DDR2: variants seen among roughly 807,000 people sequenced by gnomAD.
DDR2 encodes the protein discoidin domain receptor tyrosine kinase 2.
Under a neutral mutation model 94.9 loss-of-function variants are expected in DDR2, and 27 were observed. The observed-to-expected ratio is 0.28, with a 90% CI of 0.21 to 0.39. DDR2 has a LOEUF of 0.39. Among genes scored for constraint, DDR2 ranks in the 10% least tolerant of loss-of-function variants. The pLI is 1.00. For synonymous variants in DDR2, 382 were observed against 377.2 expected, an observed-to-expected ratio of 1.01 and a Z score of -0.15; for missense variants, 783 against 1,076.0, an observed-to-expected ratio of 0.73 and a Z score of 3.81.
Position 162,776,138 on chromosome 1 carries a change from A to C in DDR2, c.2051A>C (p.Tyr684Ser). Reference sequence around the variant, plus strand: ...TGTCTTCTTGTCTATTTCCTCAGTTACACCAATCTGAAGTTTATGGCTACC... The same window carrying C: ...TGTCTTCTTGTCTATTTCCTCAGTTCCACCAATCTGAAGTTTATGGCTACC... ...SSSSDVRTVS[Y>S]TNLKFMATQI... The change falls in exon 16 of 18, where the codon TAC becomes TCC. Residue 684 changes from tyrosine to serine, a missense_variant and splice_region_variant. Tyr to Ser is a moderately radical substitution (Grantham distance 144, BLOSUM62 -2). This residue lies in a region of DDR2 where 264 missense variants were observed against 428.2 expected (regional missense o/e 0.62). Coordinates refer to ENST00000367921, the MANE Select transcript of DDR2 (RefSeq NM_006182.4). The C allele has an allele frequency of 5.6e-6, 9 of 1,612,208 alleles. No homozygotes were observed. The highest frequency in any genetic ancestry group is 7.6e-6 in the Non-Finnish European group (9 of 1,178,602).
At chr1:162,660,118 G>A (rs1658215483) in intron 2 of DDR2, among the ~76,000 whole-genome samples, 1 of 152,152 alleles carries the variant, frequency 6.6e-6, no homozygotes, top group African/African-American at 2.4e-5. Flanking sequence ...TATGATGGAT[G>A]AGAGGGGTTT....
chr1:162,677,950 A>AT (rs939281090), intron 2 of DDR2, among the ~76,000 whole-genome samples: 24 of 151,072 alleles, frequency 1.6e-4, no homozygotes, highest in Admixed American at 2.6e-4. Context: ...TTTATTTTTT[A>AT]TTTTTTTTTA....
intron 3 of DDR2, among the ~76,000 whole-genome samples, chr1:162,724,285 C>T (rs1417269640): frequency 1.3e-5 from 2 of 152,148 alleles, no homozygotes; most frequent in Non-Finnish European, 1.5e-5. Context: ...CACATATATC[C>T]ATGCAGCCTC....
intron 2 of DDR2, among the ~76,000 whole-genome samples, chr1:162,700,534 A>G (rs1660384962): frequency 6.6e-6 from 1 of 152,206 alleles, no homozygotes; most frequent in African/African-American, 2.4e-5. Context: ...CTGAGCCTTC[A>G]GCATTTTTAG....
At chr1:162,663,985 A>G (rs1159249453) in intron 2 of DDR2, among the ~76,000 whole-genome samples, 2 of 152,122 alleles carry the variant, frequency 1.3e-5, no homozygotes, top group Non-Finnish European at 2.9e-5. Context: ...CCCCTAATAG[A>G]TCACAGAACT....
chr1:162,646,208 G>A (rs1271076446), intron 1 of DDR2, among the ~76,000 whole-genome samples: 1 of 152,166 alleles, frequency 6.6e-6, no homozygotes, highest in African/African-American at 2.4e-5. Flanking sequence ...AATTATAATC[G>A]AAGACAGAAA....
At chr1:162,703,698 G>A (rs1343397609) in intron 2 of DDR2, among the ~76,000 whole-genome samples, 1 of 152,220 alleles carries the variant, frequency 6.6e-6, no homozygotes, top group Non-Finnish European at 1.5e-5. Flanking sequence ...GGCAGGCCAA[G>A]CAGTGTGCTA....
In DDR2 at chr1:162,741,209, C is replaced by CAATACAATATAATATAATAT. The variant is rs368631311; in HGVS notation, c.83-11882_83-11881insCAATATAATATAATATAATA. Among the ~76,000 whole-genome samples, 488 of 69,436 alleles carry CAATACAATATAATATAATAT rather than the reference C, an allele frequency of 7.0e-3. 4 individuals are homozygous for CAATACAATATAATATAATAT. The highest frequency in any genetic ancestry group is 8.1e-3 in the African/African-American group (186 of 22,928). The allele number at this position is 69,436 out of a possible 152,430, so 45.6% of individuals were successfully genotyped here. On this transcript the variant is annotated intron_variant, in intron 3 of 17. Coordinates refer to ENST00000367921, the MANE Select transcript of DDR2 (RefSeq NM_006182.4). The stretch of plus-strand genomic sequence containing the variant: ...TAACATAACATAATACAATACAATA[C>CAATACAATATAATATAATAT]AATATAATATAATATAATATAATAT...
At chr1:162,701,073 G>GAAAA (rs397738963) in intron 2 of DDR2, among the ~76,000 whole-genome samples, 13 of 143,602 alleles carry the variant, frequency 9.1e-5, no homozygotes, top group Non-Finnish European at 7.5e-5. Context: ...AAGAAGAACT[G>GAAAA]AAAAAAAAAA....
rs74345863 is a variant in DDR2 at position 162,648,761 on chromosome 1, C to T, written c.-191-6450C>T. ...GTGGAAGGACAAGATGGCATGACCA[C>T]GAATGGTGGCAAAGGCAGCGTGGAA... On this transcript the variant is annotated intron_variant, in intron 1 of 17. Coordinates refer to ENST00000367921, the MANE Select transcript of DDR2 (RefSeq NM_006182.4). 1.9e-3 allele frequency among the ~76,000 whole-genome samples: 287 copies of T among 152,196 alleles called. 5 individuals carry two copies. The East Asian group carries it at 0.043, about 23-fold the overall frequency.
At chr1:162,650,805 A>G (rs1657652373) in intron 1 of DDR2, among the ~76,000 whole-genome samples, 2 of 152,078 alleles carry the variant, frequency 1.3e-5, no homozygotes, top group African/African-American at 2.4e-5. Flanking sequence ...AGCTCACTGC[A>G]GCCTAAGCCT....
chr1:162,632,818 G>A (rs1397560690), intron 1 of DDR2, among the ~76,000 whole-genome samples, 187 bp downstream of exon 1: 8 of 152,162 alleles, frequency 5.3e-5, no homozygotes, highest in Non-Finnish European at 8.8e-5. Context: ...GTTTTTGGGG[G>A]TCTGGATTTA....
chr1:162,752,892 G>A (rs559707901), intron 3 of DDR2, among the ~76,000 whole-genome samples: 8 of 152,116 alleles, frequency 5.3e-5, no homozygotes, highest in East Asian at 3.9e-4. Flanking sequence ...GTCAAATCTC[G>A]GAGGCCCAAA....
At chr1:162,692,414 T>A (rs1236910941) in intron 2 of DDR2, among the ~76,000 whole-genome samples, 5 of 152,160 alleles carry the variant, frequency 3.3e-5, no homozygotes, top group Non-Finnish European at 5.9e-5. Flanking sequence ...TTGGAACACT[T>A]ATGACCAATC....
intron 2 of DDR2, among the ~76,000 whole-genome samples, chr1:162,659,343 G>A (rs942149363): frequency 6.6e-6 from 1 of 152,172 alleles, no homozygotes; most frequent in Admixed American, 6.5e-5. Context: ...AGCCTTGGGG[G>A]CTAGGAAGGA....
At chr1:162,668,877 A>G (rs1658704413) in intron 2 of DDR2, among the ~76,000 whole-genome samples, 1 of 152,194 alleles carries the variant, frequency 6.6e-6, no homozygotes, top group African/African-American at 2.4e-5. Context: ...ATATCTTTCT[A>G]GGACACAATT....
At chr1:162,741,485 T>C in intron 3 of DDR2, 3 of 604,016 alleles carry the variant, frequency 5.0e-6, no homozygotes, top group Non-Finnish European at 6.2e-6. Flanking sequence ...AGTAATAGTG[T>C]GTACTCTGCC....
intron 3 of DDR2, among the ~76,000 whole-genome samples, chr1:162,733,861 C>T (rs937018043): frequency 1.2e-4 from 19 of 152,118 alleles, no homozygotes; most frequent in Non-Finnish European, 2.4e-4. Context: ...TAATAGAGCT[C>T]GCCTACACAC....
intron 3 of DDR2, among the ~76,000 whole-genome samples, chr1:162,747,688 C>T (rs996152758): frequency 2.6e-5 from 4 of 152,108 alleles, no homozygotes; most frequent in African/African-American, 7.2e-5. Context: ...AACCCCAAGA[C>T]ACATAATTGT....
Sources: allele counts gnomAD v4.1 joint callset (sites outside exome capture counted in the v4.1 genomes callset), GRCh38; gene constraint gnomAD v4.1.1; regional missense constraint gnomAD v4.1.1; transcripts MANE v1.5; gene names NCBI Gene and HGNC (gene_info 2026-07-23, HGNC 2026-07-21).